Variants in SORCS1 observed in about 807,000 individuals in gnomAD.
SORCS1 encodes the protein sortilin related VPS10 domain containing receptor 1, also known as VPS10 domain-containing receptor SorCS1.
SORCS1 carries 60 observed loss-of-function variants against 146.1 expected under a neutral mutation model. That is an observed-to-expected ratio of 0.41 (90% CI 0.33 to 0.51). The LOEUF (loss-of-function observed/expected upper bound fraction) is 0.51. Among genes scored for constraint, SORCS1 ranks in the 20% least tolerant of loss-of-function variants. The pLI is 0.21. For synonymous variants in SORCS1, 637 were observed against 584.0 expected (o/e 1.09, Z -1.31); for missense variants, 1,352 against 1,487.6 (o/e 0.91, Z 1.50).
intron 6 of SORCS1, among the ~76,000 whole-genome samples, chr10:106,718,628 G>T (rs532621698): frequency 6.6e-6 from 1 of 152,256 alleles, no homozygotes; most frequent in African/African-American, 2.4e-5. Context: ...AAGGGAACCC[G>T]AGTGGGTTGC....
chr10:106,940,366 A>G (rs1198291700), intron 2 of SORCS1, among the ~76,000 whole-genome samples: 1 of 152,224 alleles, frequency 6.6e-6, no homozygotes, highest in Non-Finnish European at 1.5e-5. Flanking sequence ...GTTACTGAAC[A>G]TACTACTATG....
intron 1 of SORCS1, among the ~76,000 whole-genome samples, chr10:107,117,281 TTTG>T (rs1193793187): frequency 3.9e-5 from 6 of 152,156 alleles, no homozygotes; most frequent in African/African-American, 1.4e-4. Context: ...GCTATCAGGC[TTTG>T]TTGTTTTTGC....
chr10:106,599,770 T>TA (rs1846129121), intron 23 of SORCS1, among the ~76,000 whole-genome samples: 1 of 141,076 alleles, frequency 7.1e-6, no homozygotes, highest in South Asian at 2.3e-4. Context: ...TCTTTCTTTC[T>TA]TTTTTTTTTT....
In SORCS1 at chr10:106,648,607, A is replaced by G. The variant is rs187482377; in HGVS notation, c.2475+3775T>C. ...TGTCTCTGTCTGGGTCATTTTCTTT[A>G]TGTGTGAAGAATTATTTTTAGCATT... is the stretch of plus-strand genomic sequence containing the variant. On this transcript the variant is annotated intron_variant, in intron 18 of 25. Coordinates refer to ENST00000263054, the MANE Select transcript of SORCS1 (RefSeq NM_052918.5). 2.3e-3 allele frequency among the ~76,000 whole-genome samples: 349 copies of G among 151,754 alleles called. 5 individuals carry two copies. Among genetic ancestry groups the G allele is most frequent in the African/African-American group, 8.1e-3 (337 of 41,366 alleles).
At chr10:106,937,765 A>AT (rs1478453232) in intron 2 of SORCS1, among the ~76,000 whole-genome samples, 10 of 152,000 alleles carry the variant, frequency 6.6e-5, no homozygotes, top group African/African-American at 2.4e-4. Context: ...GGAGTTTGTG[A>AT]CCAGCCTGGC....
intron 2 of SORCS1, among the ~76,000 whole-genome samples, chr10:106,900,885 C>G (rs1292732010): frequency 1.3e-5 from 2 of 152,128 alleles, no homozygotes; most frequent in African/African-American, 4.8e-5. Flanking sequence ...GGTTAAAATT[C>G]GGTAAATTTA....
At chr10:107,096,225 A>G (rs1160721039) in intron 1 of SORCS1, among the ~76,000 whole-genome samples, 1 of 152,232 alleles carries the variant, frequency 6.6e-6, no homozygotes, top group Non-Finnish European at 1.5e-5. Flanking sequence ...GTTATGTTTC[A>G]CTGGCATTTA....
intron 21 of SORCS1, among the ~76,000 whole-genome samples, chr10:106,616,923 C>T (rs1847400593): frequency 6.7e-6 from 1 of 149,482 alleles, no homozygotes; most frequent in African/African-American, 2.5e-5. Flanking sequence ...GGACCACGAG[C>T]TAGGCTGTCT....
chr10:107,085,975 C>G lies in SORCS1; in HGVS notation c.558+77994G>C, dbSNP rs76924197. 3.6e-3 allele frequency among the ~76,000 whole-genome samples: 543 copies of G among 152,286 alleles called. 6 individuals are homozygous for G. Among genetic ancestry groups the G allele is most frequent in the African/African-American group, 0.013 (529 of 41,558 alleles). On this transcript the variant is annotated intron_variant, in intron 1 of 25. Coordinates refer to ENST00000263054, the MANE Select transcript of SORCS1 (RefSeq NM_052918.5). ...CCAAGCCGTATTGTTGAAAAGAATG[C>G]AGTTGGATAAAGAAGTCCAAAGCCT... is the stretch of plus-strand genomic sequence containing the variant.
chr10:106,794,668 A>G (rs755950880), intron 3 of SORCS1, among the ~76,000 whole-genome samples: 2 of 151,622 alleles, frequency 1.3e-5, no homozygotes, highest in Non-Finnish European at 2.9e-5. Flanking sequence ...ACGCCCGGCT[A>G]ATTTTTCGTG....
At chr10:106,612,287 AG>A (rs1332473737) in intron 21 of SORCS1, among the ~76,000 whole-genome samples, 1 of 151,702 alleles carries the variant, frequency 6.6e-6, no homozygotes, top group Non-Finnish European at 1.5e-5. Context: ...AGACAGAGGG[AG>A]GGGGCTACAA....
At chr10:106,958,739 A>G (rs1291368570) in intron 1 of SORCS1, among the ~76,000 whole-genome samples, 4 of 151,844 alleles carry the variant, frequency 2.6e-5, no homozygotes, top group Non-Finnish European at 4.4e-5. Context: ...GACACATCAG[A>G]TGGCATGCCT....
chr10:106,880,787 G>A (rs1950774797), intron 2 of SORCS1, among the ~76,000 whole-genome samples: 1 of 151,994 alleles, frequency 6.6e-6, no homozygotes. Flanking sequence ...CAAGCAGTAG[G>A]CCATTTCGAA....
intron 18 of SORCS1, among the ~76,000 whole-genome samples, chr10:106,632,690 T>TA (rs1281257774): frequency 6.6e-6 from 1 of 152,164 alleles, no homozygotes; most frequent in Non-Finnish European, 1.5e-5. Flanking sequence ...TTCATGAGCT[T>TA]ACAGACCACT....
chr10:106,626,086 C>T (rs1381684467), intron 19 of SORCS1, among the ~76,000 whole-genome samples: 1 of 152,106 alleles, frequency 6.6e-6, no homozygotes, highest in Non-Finnish European at 1.5e-5. Context: ...CCTTTGCAAA[C>T]CCATCTTTTT....
chr10:106,970,397 G>C (rs905737448), intron 1 of SORCS1, among the ~76,000 whole-genome samples: 8 of 134,498 alleles, frequency 5.9e-5, no homozygotes, highest in African/African-American at 2.3e-4. Flanking sequence ...GGAGTGCAGT[G>C]GCGTGATCCC....
chr10:106,698,509 T>C (rs1853881246), intron 9 of SORCS1, among the ~76,000 whole-genome samples: 1 of 152,234 alleles, frequency 6.6e-6, no homozygotes. Flanking sequence ...AAGCAGCAGT[T>C]TTCTTTCTAG....
intron 1 of SORCS1, among the ~76,000 whole-genome samples, chr10:106,983,083 T>C (rs1481427316): frequency 6.7e-6 from 1 of 149,882 alleles, no homozygotes; most frequent in Non-Finnish European, 1.5e-5. Context: ...ATATACAGTT[T>C]ATTTCCTCAT....
intron 17 of SORCS1, among the ~76,000 whole-genome samples, chr10:106,653,778 T>G (rs551975009): frequency 6.6e-6 from 1 of 152,310 alleles, no homozygotes; most frequent in South Asian, 2.1e-4. Context: ...ATTAAATGGG[T>G]TAATGTACAC....
Sources: allele counts gnomAD v4.1 joint callset (sites outside exome capture counted in the v4.1 genomes callset), GRCh38; gene constraint gnomAD v4.1.1; transcripts MANE v1.5; gene names NCBI Gene and HGNC (gene_info 2026-07-23, HGNC 2026-07-21).